The following BFSP2 variants were observed in gnomAD, a reference collection of about 807,000 sequenced individuals.
The protein encoded by BFSP2 is beaded filament structural protein 2, also known as phakinin.
A neutral mutation model predicts 44.9 loss-of-function variants in BFSP2; 38 were observed. The observed-to-expected ratio is 0.85, with a 90% CI of 0.65 to 1.11. The LOEUF (loss-of-function observed/expected upper bound fraction) is 1.11, where lower values mean the gene tolerates loss of function less well. Among genes scored for constraint, BFSP2 ranks in the 50% least tolerant of loss-of-function variants. The probability of loss-of-function intolerance (pLI) is 0.00; values close to 1 mark genes in which losing one functional copy is unlikely to be tolerated. For missense variants in BFSP2, 525 were observed against 533.0 expected (o/e 0.99, Z 0.15); for synonymous variants, 197 against 209.9 (o/e 0.94, Z 0.53).
intron 4 of BFSP2, among the ~76,000 whole-genome samples, chr3:133,453,709 G>A (rs554499596): frequency 6.6e-6 from 1 of 152,278 alleles, no homozygotes; most frequent in African/African-American, 2.4e-5. Flanking sequence ...GAAACTCTCA[G>A]GCAAAAAGAT....
At position 133,447,300 on chromosome 3, in the gene BFSP2, G is replaced by A. The variant is rs2073912006; in HGVS notation, c.490-17G>A. On this transcript the variant is annotated splice_polypyrimidine_tract_variant and intron_variant, in intron 1 of 6. Coordinates refer to ENST00000302334, the MANE Select transcript of BFSP2 (RefSeq NM_003571.4). ...TCCCAGTGACCTTGTCTCCTTTGGT[G>A]TGTGTGATCGCTCTAGGTGGGTGAG... The A allele has an allele frequency of 6.2e-7, 1 of 1,613,750 alleles. No homozygotes were observed. The highest frequency in any genetic ancestry group is 2.2e-5 in the East Asian group (1 of 44,874).
intron 1 of BFSP2, among the ~76,000 whole-genome samples, chr3:133,413,227 A>G (rs2073473471): frequency 6.6e-6 from 1 of 152,082 alleles, no homozygotes; most frequent in Non-Finnish European, 1.5e-5. Flanking sequence ...TGGGGGAAGC[A>G]GTAATTCCTA....
intron 1 of BFSP2, among the ~76,000 whole-genome samples, chr3:133,427,347 G>A (rs1484983634): frequency 1.3e-5 from 2 of 152,166 alleles, no homozygotes; most frequent in African/African-American, 2.4e-5. Context: ...TTTAGAATAA[G>A]CAGAACAGGT....
At chr3:133,460,124 T>C (rs1232741539) in intron 4 of BFSP2, among the ~76,000 whole-genome samples, 1 of 152,162 alleles carries the variant, frequency 6.6e-6, no homozygotes, top group Non-Finnish European at 1.5e-5. Flanking sequence ...CAAGGCAGGA[T>C]GAAATTTTCC....
At chr3:133,444,268 G>A (rs2073874840) in intron 1 of BFSP2, among the ~76,000 whole-genome samples, 1 of 152,100 alleles carries the variant, frequency 6.6e-6, no homozygotes, top group Non-Finnish European at 1.5e-5. Context: ...AAATAACAAT[G>A]ATGATAATGG....
intron 1 of BFSP2, among the ~76,000 whole-genome samples, chr3:133,432,693 T>C (rs1259399498): frequency 2.0e-5 from 3 of 152,184 alleles, no homozygotes; most frequent in Admixed American, 6.5e-5. Context: ...CTCAAATTTC[T>C]TCTCCATCGG....
chr3:133,441,049 T>C (rs2107916111), intron 1 of BFSP2, among the ~76,000 whole-genome samples: 1 of 151,756 alleles, frequency 6.6e-6, no homozygotes, highest in East Asian at 1.9e-4. Flanking sequence ...CTTTTTTTTT[T>C]TTTTTTTTTG....
chr3:133,464,267 A>G (rs2107938431), intron 4 of BFSP2, among the ~76,000 whole-genome samples: 1 of 152,356 alleles, frequency 6.6e-6, no homozygotes, highest in African/African-American at 2.4e-5. Flanking sequence ...AGATTGGTGG[A>G]GATGACAACA....
At chr3:133,415,333 C>T (rs2107886619) in intron 1 of BFSP2, among the ~76,000 whole-genome samples, 1 of 123,636 alleles carries the variant, frequency 8.1e-6, no homozygotes, top group African/African-American at 3.4e-5. Flanking sequence ...CCCCTCTACT[C>T]ACCCGTGTCC....
intron 1 of BFSP2, among the ~76,000 whole-genome samples, chr3:133,416,552 C>T (rs762868116): frequency 1.4e-5 from 2 of 146,808 alleles, no homozygotes; most frequent in Non-Finnish European, 1.5e-5. Context: ...CCTCTATACA[C>T]CCTGCCATCT....
chr3:133,448,355 C>A, intron 2 of BFSP2, 134 bp from the exon 3 acceptor site: 1 of 1,174,492 alleles, frequency 8.5e-7, no homozygotes. Flanking sequence ...ACAGTGCCCT[C>A]AAATCTATTG....
At chr3:133,454,123 C>T (rs959558456) in intron 4 of BFSP2, among the ~76,000 whole-genome samples, 5 of 152,202 alleles carry the variant, frequency 3.3e-5, no homozygotes, top group African/African-American at 1.2e-4. Context: ...TGCCACACCA[C>T]ACTCTAGACC....
At chr3:133,414,891 GTCCTCT>G (rs2073499915) in intron 1 of BFSP2, among the ~76,000 whole-genome samples, 1 of 88,346 alleles carries the variant, frequency 1.1e-5, no homozygotes, top group African/African-American at 4.6e-5. Context: ...ACTCATCCCT[GTCCTCT>G]CCCCACTACT....
At chr3:133,460,238 C>A (rs903103700) in intron 4 of BFSP2, among the ~76,000 whole-genome samples, 1 of 152,078 alleles carries the variant, frequency 6.6e-6, no homozygotes, top group African/African-American at 2.4e-5. Context: ...ATAGGTATTG[C>A]GATTTTAGCA....
chr3:133,435,809 C>T (rs1181161738), intron 1 of BFSP2, among the ~76,000 whole-genome samples: 1 of 152,126 alleles, frequency 6.6e-6, no homozygotes, highest in Non-Finnish European at 1.5e-5. Flanking sequence ...AATGAATTAT[C>T]CATTTGTAAA....
intron 1 of BFSP2, among the ~76,000 whole-genome samples, chr3:133,416,892 A>C (rs1189827900): frequency 4.1e-5 from 3 of 72,546 alleles, no homozygotes; most frequent in African/African-American, 5.9e-5. Flanking sequence ...TCATCCCTCT[A>C]CTCATCCCTG....
At chr3:133,424,919 CCA>C (rs1466573484) in intron 1 of BFSP2, among the ~76,000 whole-genome samples, 3 of 152,250 alleles carry the variant, frequency 2.0e-5, no homozygotes, top group African/African-American at 7.2e-5. Context: ...CAGGCGTGAG[CCA>C]CCATGCCTGG....
rs1162118045 is a variant in BFSP2 at position 133,400,498 on chromosome 3, C to A, written c.415C>A (p.His139Asn). The stretch of plus-strand genomic sequence containing the variant: ...GGAGCTGGAAACACAACTGCGGATG[C>A]ACCTGGAGAGCAAAGCCACACGCTC... ...SQELETQLRMHLESKATRSGN... is the reference protein window; with the variant it reads ...SQELETQLRMNLESKATRSGN... Residue 139 changes from histidine to asparagine, a missense_variant, in exon 1 of 7, where the codon CAC becomes AAC. By Grantham distance (68) the His-to-Asn change is moderately conservative (BLOSUM62 1). Transcript: ENST00000302334. The surrounding 1 kb of genome is among the most constrained non-coding windows in gnomAD (Gnocchi z 4.0). 6.2e-7 allele frequency: 1 copy of A among 1,613,868 alleles called. No homozygotes were observed. The highest frequency in any genetic ancestry group is 1.3e-5 in the African/African-American group (1 of 74,928).
chr3:133,434,478 C>A (rs937874037), intron 1 of BFSP2, among the ~76,000 whole-genome samples: 3 of 152,004 alleles, frequency 2.0e-5, no homozygotes, highest in Non-Finnish European at 4.4e-5. Context: ...AAATTTTCGC[C>A]GCCCCAACAC....
Sources: allele counts gnomAD v4.1 joint callset (sites outside exome capture counted in the v4.1 genomes callset), GRCh38; gene constraint gnomAD v4.1.1; non-coding constraint Gnocchi (gnomAD v3.1); transcripts MANE v1.5; gene names NCBI Gene and HGNC (gene_info 2026-07-23, HGNC 2026-07-21).